The following MARCHF1 variants were observed in gnomAD, a reference collection of about 807,000 sequenced individuals.
MARCHF1 encodes E3 ubiquitin-protein ligase MARCHF1.
In MARCHF1, 40 loss-of-function variants were observed where a neutral mutation model predicts 54.2. The ratio of observed to expected loss-of-function variants is 0.74; its 90% confidence interval spans 0.57 to 0.96. The LOEUF (loss-of-function observed/expected upper bound fraction) is 0.96. Among genes scored for constraint, MARCHF1 ranks in the 40% least tolerant of loss-of-function variants. The pLI is 0.00. For missense variants in MARCHF1, 586 were observed against 656.5 expected (o/e 0.89, Z 1.17); for synonymous variants, 236 against 236.3 (o/e 1.00, Z 0.01).
At chr4:164,175,465 A>G (rs570476156) in intron 1 of MARCHF1, among the ~76,000 whole-genome samples, 199 of 152,308 alleles carry the variant, frequency 1.3e-3, no homozygotes, top group African/African-American at 4.3e-3. Flanking sequence ...AATCTATGAT[A>G]AGATTCCATT....
At chr4:163,559,605 G>T (rs1348087566) in intron 8 of MARCHF1, among the ~76,000 whole-genome samples, 3 of 152,188 alleles carry the variant, frequency 2.0e-5, no homozygotes, top group African/African-American at 4.8e-5. Context: ...GCCACCACTG[G>T]ATTTGAGTCA....
chr4:163,999,466 C>T lies in MARCHF1; in HGVS notation c.-247-10757G>A, dbSNP rs192085696. On this transcript the variant is annotated intron_variant, in intron 2 of 9. Coordinates refer to ENST00000514618, the MANE Select transcript of MARCHF1 (RefSeq NM_001394959.1). ...CACTCTACTTAAGAGTATTCAAACA[C>T]ACAGTAAAACTGGGTATCTTTTATG... 2.6e-4 allele frequency among the ~76,000 whole-genome samples: 39 copies of T among 151,528 alleles called. No homozygotes were observed. The East Asian group carries it at 5.2e-3, about 20-fold the overall frequency.
At chr4:164,004,159 A>C (rs56382607) in intron 2 of MARCHF1, among the ~76,000 whole-genome samples, 133 of 152,096 alleles carry the variant, frequency 8.7e-4, no homozygotes, top group Non-Finnish European at 1.5e-3. Flanking sequence ...AGAGAACATC[A>C]AGATAAATAG....
At chr4:164,346,616 ATATATATATATATATATAT>A in intron 1 of MARCHF1, among the ~76,000 whole-genome samples, 1 of 1,908 alleles carries the variant, frequency 5.2e-4, no homozygotes, top group South Asian at 0.017. Flanking sequence ...ATATATATAT[ATATATATATATATATATAT>A]ATATATATAT....
intron 4 of MARCHF1, among the ~76,000 whole-genome samples, chr4:163,758,800 A>G (rs976106594): frequency 1.3e-5 from 2 of 152,190 alleles, no homozygotes; most frequent in African/African-American, 2.4e-5. Context: ...ACAGCCTAAA[A>G]CTTTTCAGAC....
intron 2 of MARCHF1, among the ~76,000 whole-genome samples, chr4:164,052,101 A>C (rs866654649): frequency 6.6e-6 from 1 of 151,970 alleles, no homozygotes; most frequent in Non-Finnish European, 1.5e-5. Flanking sequence ...ACATTCCAAG[A>C]CAATTCTGAG....
At chr4:164,358,717 A>G (rs1389433884) in intron 1 of MARCHF1, among the ~76,000 whole-genome samples, 2 of 152,184 alleles carry the variant, frequency 1.3e-5, no homozygotes, top group East Asian at 3.9e-4. Context: ...GATTAATATT[A>G]TCAATAGTAT....
intron 8 of MARCHF1, chr4:163,583,974 A>T (rs1157307476): frequency 6.6e-6 from 1 of 151,666 alleles, no homozygotes; most frequent in Non-Finnish European, 1.5e-5. Context: ...ATGAATATTT[A>T]AAAAGATAGA....
At chr4:164,122,429 C>T (rs546301065) in intron 1 of MARCHF1, among the ~76,000 whole-genome samples, 58 of 152,004 alleles carry the variant, frequency 3.8e-4, no homozygotes, top group Middle Eastern at 3.4e-3. Context: ...CTTTGTCAGC[C>T]GCATGTACAG....
intron 1 of MARCHF1, among the ~76,000 whole-genome samples, chr4:164,153,511 A>G (rs1729998791): frequency 6.6e-6 from 1 of 152,010 alleles, no homozygotes; most frequent in South Asian, 2.1e-4. Context: ...AGAATATAAT[A>G]ATAATTTAAT....
At chr4:163,910,686 T>G (rs966110467) in intron 3 of MARCHF1, among the ~76,000 whole-genome samples, 1 of 152,052 alleles carries the variant, frequency 6.6e-6, no homozygotes, top group African/African-American at 2.4e-5. Flanking sequence ...TAGTAGAGAC[T>G]GGGTTTCACC....
intron 1 of MARCHF1, among the ~76,000 whole-genome samples, chr4:164,230,635 C>A (rs1174550922): frequency 6.6e-6 from 1 of 152,026 alleles, no homozygotes; most frequent in Non-Finnish European, 1.5e-5. Context: ...AAACTTATTT[C>A]TTCTATCTAA....
chr4:163,885,900 GTC>G (rs1438919689), intron 3 of MARCHF1, among the ~76,000 whole-genome samples: 3 of 148,964 alleles, frequency 2.0e-5, no homozygotes, highest in Non-Finnish European at 1.5e-5. Context: ...AATGAGACCC[GTC>G]TCTAATATAT....
chr4:164,332,028 ATCTT>A (rs1367759325), intron 1 of MARCHF1, among the ~76,000 whole-genome samples: 1 of 151,986 alleles, frequency 6.6e-6, no homozygotes, highest in East Asian at 1.9e-4. Flanking sequence ...TCTTACCTCT[ATCTT>A]TCTTTCTACC....
intron 5 of MARCHF1, among the ~76,000 whole-genome samples, chr4:163,682,047 A>G (rs565638066): frequency 6.6e-6 from 1 of 152,304 alleles, no homozygotes; most frequent in Non-Finnish European, 1.5e-5. Context: ...GCTGATAGTG[A>G]TATGGACAAT....
chr4:164,144,040 G>A (rs368373270), intron 1 of MARCHF1, among the ~76,000 whole-genome samples: 193 of 152,234 alleles, frequency 1.3e-3, no homozygotes, highest in Non-Finnish European at 2.2e-3. Context: ...GATAAAACAG[G>A]CTTTAAACCA....
chr4:163,664,414 C>A (rs77378348), intron 5 of MARCHF1, among the ~76,000 whole-genome samples: 4,016 of 151,970 alleles, frequency 0.026, 85 homozygotes, highest in Non-Finnish European at 0.044. Flanking sequence ...GCCCCTTTTT[C>A]CAAATTAAAC....
chr4:164,024,283 A>G (rs191286456), intron 2 of MARCHF1, among the ~76,000 whole-genome samples: 1 of 152,280 alleles, frequency 6.6e-6, no homozygotes, highest in Non-Finnish European at 1.5e-5. Context: ...AAGTACAGTT[A>G]TCAGATTCTC....
At chr4:163,545,338 G>C (rs1738861315) in intron 9 of MARCHF1, among the ~76,000 whole-genome samples, 1 of 152,150 alleles carries the variant, frequency 6.6e-6, no homozygotes, top group Non-Finnish European at 1.5e-5. Context: ...AGTGGTGTGT[G>C]CCATTTGTGT....
Sources: allele counts gnomAD v4.1 joint callset (sites outside exome capture counted in the v4.1 genomes callset), GRCh38; gene constraint gnomAD v4.1.1; transcripts MANE v1.5; gene names NCBI Gene and HGNC (gene_info 2026-07-23, HGNC 2026-07-21).